Variants in EQTN observed in about 807,000 individuals in gnomAD.
The protein encoded by EQTN is Acrosome formation associated factor.
In EQTN, 29 loss-of-function variants were observed where a neutral mutation model predicts 26.9. The observed-to-expected ratio is 1.08, with a 90% CI of 0.80 to 1.47. The LOEUF is 1.47. EQTN is among the 40% of genes most tolerant of loss of function. The pLI is 0.00. For synonymous variants in EQTN, 129 were observed against 120.0 expected (o/e 1.07, Z -0.49); for missense variants, 391 against 346.1 (o/e 1.13, Z -1.03).
intron 3 of EQTN, among the ~76,000 whole-genome samples, chr9:27,293,095 G>T (rs898284585): frequency 2.0e-5 from 3 of 152,088 alleles, no homozygotes; most frequent in Non-Finnish European, 1.5e-5. Flanking sequence ...TCAATTAACT[G>T]CTTAATACAG....
At chr9:27,292,628 A>T in intron 3 of EQTN, 141 bp from the exon 4 acceptor site, 2 of 532,462 alleles carry the variant, frequency 3.8e-6, no homozygotes, top group Non-Finnish European at 6.5e-6. Flanking sequence ...AGACATTAAC[A>T]TTTTCCAGAA....
chr9:27,291,666 A>C (rs537080489), intron 4 of EQTN, among the ~76,000 whole-genome samples: 1 of 152,240 alleles, frequency 6.6e-6, no homozygotes, highest in Non-Finnish European at 1.5e-5. Context: ...AAAGACGTTT[A>C]AGAAGGGGAA....
chr9:27,286,810 G>T (rs1434252585), intron 6 of EQTN, among the ~76,000 whole-genome samples: 1 of 152,150 alleles, frequency 6.6e-6, no homozygotes, highest in African/African-American at 2.4e-5. Context: ...CTAGTGCTGC[G>T]TCATACACTG....
At chr9:27,294,197 GA>G in intron 3 of EQTN, 118 bp downstream of exon 3, 1 of 598,688 alleles carries the variant, frequency 1.7e-6, no homozygotes. Flanking sequence ...ACTTTAGAGG[GA>G]AAATGTTAGT....
rs1363039817 is a variant in EQTN, at chr9:27,284,716, G to A, written c.*7C>T. 2 of 1,605,212 alleles carry A rather than the reference G, an allele frequency of 1.2e-6. No individual in the cohort carries two copies. The highest frequency in any genetic ancestry group is 1.7e-6 in the Non-Finnish European group (2 of 1,175,706). ...ATAAGATTTCTTCACCGGGTTCCTT[G>A]ATTTCTTCACCGGGTAACCGACTCA... is the stretch of plus-strand genomic sequence containing the variant. On this transcript the variant is annotated 3_prime_UTR_variant, in exon 8 of 8. Transcript: ENST00000380032.
At chr9:27,293,209 T>C (rs1400433044) in intron 3 of EQTN, among the ~76,000 whole-genome samples, 3 of 152,096 alleles carry the variant, frequency 2.0e-5, no homozygotes, top group African/African-American at 7.2e-5. Flanking sequence ...ATGACAAGTG[T>C]CTTGCTGCCA....
chr9:27,292,387 A>G lies in EQTN; in HGVS notation c.376+14T>C, dbSNP rs1188023791. On this transcript the variant is annotated intron_variant, in intron 4 of 7. Transcript: ENST00000380032. The stretch of plus-strand genomic sequence containing the variant: ...TATTCTCCAGGTATGAATACAGTGT[A>G]GTAATTTAAATACTTTGAATATTTT... 1.3e-6 allele frequency: 2 copies of G among 1,516,158 alleles called. No individual in the cohort carries two copies. Among genetic ancestry groups the G allele is most frequent in the Admixed American group, 1.7e-5 (1 of 58,450 alleles). 93.9% of individuals were successfully genotyped at this position (1,516,158 alleles called of 1,614,324 possible). A position where few individuals can be genotyped will look rare whatever the true frequency, so the allele number is the denominator to read the frequency against.
chr9:27,292,629 T>G (rs1820260763), intron 3 of EQTN, 142 bp from the exon 4 acceptor site: 1 of 532,490 alleles, frequency 1.9e-6, no homozygotes, highest in South Asian at 3.2e-5. Flanking sequence ...GACATTAACA[T>G]TTTCCAGAAA....
intron 6 of EQTN, among the ~76,000 whole-genome samples, chr9:27,288,025 C>T (rs1025520391): frequency 6.6e-6 from 1 of 152,126 alleles, no homozygotes; most frequent in African/African-American, 2.4e-5. Flanking sequence ...AGGCTTGTCT[C>T]GAACTCCTGA....
intron 5 of EQTN, among the ~76,000 whole-genome samples, chr9:27,290,263 C>A (rs1011239890): frequency 6.6e-6 from 1 of 152,130 alleles, no homozygotes; most frequent in Admixed American, 6.5e-5. Context: ...AAAAATGACA[C>A]TTATTTACAG....
chr9:27,287,438 T>C (rs1014697870), intron 6 of EQTN, among the ~76,000 whole-genome samples: 6 of 152,216 alleles, frequency 3.9e-5, no homozygotes, highest in African/African-American at 7.2e-5. Context: ...TGTGTGCTCA[T>C]AGTACATCTT....
At chr9:27,294,783 A>G (rs1242930108) in intron 2 of EQTN, among the ~76,000 whole-genome samples, 1 of 152,224 alleles carries the variant, frequency 6.6e-6, no homozygotes, top group Non-Finnish European at 1.5e-5. Flanking sequence ...ACCTTCTGTT[A>G]GACTATGGAA....
chr9:27,296,242 T>A (rs1820340582), intron 2 of EQTN, among the ~76,000 whole-genome samples: 1 of 151,846 alleles, frequency 6.6e-6, no homozygotes, highest in African/African-American at 2.4e-5. Context: ...AGGTCAAGGC[T>A]GGCTGCAGTG....
At position 27,292,489 on chromosome 9, in the gene EQTN, T is replaced by C. The variant is rs1374873504; in HGVS notation, c.290-2A>G. The stretch of plus-strand genomic sequence containing the variant: ...ATGTAGTTGCATTGACAGTTTTATC[T>C]AGGAAAAGGGAAAAAGAATTATCAG... On this transcript the variant is annotated splice_acceptor_variant, in intron 3 of 7. Coordinates refer to ENST00000380032, the MANE Select transcript of EQTN (RefSeq NM_020641.3). LOFTEE classifies it high-confidence loss of function. The C allele has an allele frequency of 1.3e-6, 2 of 1,582,890 alleles. No individual in the cohort carries two copies. Among genetic ancestry groups the C allele is most frequent in the South Asian group, 2.3e-5 (2 of 87,690 alleles).
At chr9:27,294,024 C>T (rs1032618126) in intron 3 of EQTN, among the ~76,000 whole-genome samples, 1 of 152,078 alleles carries the variant, frequency 6.6e-6, no homozygotes, top group Non-Finnish European at 1.5e-5. Context: ...TTTTTCTTTC[C>T]ACATAAACCA....
chr9:27,286,482 G>C (rs1043988777), intron 6 of EQTN, 120 bp from the exon 7 acceptor site: 1 of 949,798 alleles, frequency 1.1e-6, no homozygotes, highest in African/African-American at 1.7e-5. Context: ...TTAACTGGCC[G>C]GTCTCCCATC....
Position 27,284,921 on chromosome 9 carries a change from C to G in EQTN, c.687G>C (p.Met229Ile), listed in dbSNP as rs1167598874. The G allele has an allele frequency of 6.2e-6, 10 of 1,613,992 alleles. No homozygotes were observed. The African/African-American group carries it at 6.7e-5, about 11-fold the overall frequency. The change falls in exon 8 of 8, where the codon ATG becomes ATC. Residue 229 changes from methionine to isoleucine, a missense_variant. By Grantham distance (10) the Met-to-Ile change is conservative (BLOSUM62 1). Transcript: ENST00000380032. ...QYSVNPELAT[M>I]SYFHPSEGVS... ...CACCTTCTGATGGATGAAAGTAAGA[C>G]ATCGTGGCCAGCTCTGGGTTGACAG...
intron 5 of EQTN, among the ~76,000 whole-genome samples, chr9:27,290,514 A>C (rs7875778): frequency 0.31 from 47,637 of 152,116 alleles, 8,171 homozygotes; most frequent in African/African-American, 0.44. Flanking sequence ...TATACAATGC[A>C]TATATTTCTG....
At chr9:27,286,857 G>T (rs137876893) in intron 6 of EQTN, among the ~76,000 whole-genome samples, 70 of 152,278 alleles carry the variant, frequency 4.6e-4, no homozygotes, top group African/African-American at 1.7e-3. Flanking sequence ...TATAGTGAAT[G>T]CTTCCTCCAT....
Sources: allele counts gnomAD v4.1 joint callset (sites outside exome capture counted in the v4.1 genomes callset), GRCh38; gene constraint gnomAD v4.1.1; transcripts MANE v1.5; gene names NCBI Gene and HGNC (gene_info 2026-07-23, HGNC 2026-07-21).